SLCO6A1: variants seen among roughly 807,000 people sequenced by gnomAD.
SLCO6A1 encodes the protein solute carrier organic anion transporter family member 6A1, also known as cancer/testis antigen 48.
SLCO6A1 carries 65 observed loss-of-function variants against 72.7 expected under a neutral mutation model. That is an observed-to-expected ratio of 0.89 (90% confidence interval 0.73 to 1.10). The LOEUF is 1.10. Ranked by LOEUF, SLCO6A1 falls within the 50% of genes least tolerant of loss-of-function variation. SLCO6A1 has a pLI of 0.00. For synonymous variants in SLCO6A1, 314 were observed against 298.2 expected, an observed-to-expected ratio of 1.05 and a Z score of -0.55; for missense variants, 874 against 872.6, an observed-to-expected ratio of 1.00 and a Z score of -0.02.
At chr5:102,420,167 T>G in intron 7 of SLCO6A1, 146 bp from the exon 8 acceptor site, 1 of 736,722 alleles carries the variant, frequency 1.4e-6, no homozygotes, top group Non-Finnish European at 2.1e-6. Context: ...TTATGCTAAA[T>G]AGCTTGACGA....
intron 7 of SLCO6A1, among the ~76,000 whole-genome samples, chr5:102,428,678 G>A (rs189010037): frequency 2.6e-3 from 392 of 151,850 alleles, no homozygotes; most frequent in Non-Finnish European, 4.0e-3. Flanking sequence ...GTAGGCTCCA[G>A]TGTCTGTTGT....
At chr5:102,437,436 G>A (rs539900245) in intron 7 of SLCO6A1, among the ~76,000 whole-genome samples, 1 of 152,224 alleles carries the variant, frequency 6.6e-6, no homozygotes, top group South Asian at 2.1e-4. Flanking sequence ...GCTTGAGGGA[G>A]TCAATACTGC....
At chr5:102,440,222 G>C (rs1749758256) in intron 6 of SLCO6A1, among the ~76,000 whole-genome samples, 1 of 152,106 alleles carries the variant, frequency 6.6e-6, no homozygotes, top group African/African-American at 2.4e-5. Context: ...CTAGCTCAGG[G>C]ATCCCCAGCC....
chr5:102,454,539 T>C (rs560362191), intron 6 of SLCO6A1, among the ~76,000 whole-genome samples: 1 of 152,308 alleles, frequency 6.6e-6, no homozygotes, highest in East Asian at 1.9e-4. Context: ...TCTAGTTATC[T>C]ACTCAGATAG....
chr5:102,427,496 C>A (rs1748957326), intron 7 of SLCO6A1, among the ~76,000 whole-genome samples: 1 of 151,938 alleles, frequency 6.6e-6, no homozygotes, highest in African/African-American at 2.4e-5. Context: ...AAATATTAGG[C>A]AATTTTCTAT....
At position 102,429,518 on chromosome 5, in the gene SLCO6A1, A is replaced by T. The variant is rs191373806; in HGVS notation, c.1276+9099T>A. Among the ~76,000 whole-genome samples, 3 of 152,336 alleles carry T rather than the reference A, an allele frequency of 2.0e-5. No homozygotes were observed. The East Asian group carries it at 5.8e-4, about 29-fold the overall frequency. The stretch of plus-strand genomic sequence containing the variant: ...AGAGAGTCCAGTTTCAACCTTCTGC[A>T]TACGGCTTGCCAGTCATACCAGCAC... On this transcript the variant is annotated intron_variant, in intron 7 of 13. Transcript: ENST00000506729.
At chr5:102,393,356 T>G (rs1746874995) in intron 10 of SLCO6A1, among the ~76,000 whole-genome samples, 1 of 152,128 alleles carries the variant, frequency 6.6e-6, no homozygotes, top group Admixed American at 6.6e-5. Flanking sequence ...ACTTCTCAAC[T>G]TTTGCCCCCA....
At chr5:102,460,109 C>T (rs544444500) in intron 4 of SLCO6A1, among the ~76,000 whole-genome samples, 4 of 152,210 alleles carry the variant, frequency 2.6e-5, no homozygotes, top group South Asian at 2.1e-4. Flanking sequence ...TGGAACACTA[C>T]CTTTTTAAAT....
At chr5:102,478,712 A>G (rs992927550) in intron 2 of SLCO6A1, among the ~76,000 whole-genome samples, 1 of 152,138 alleles carries the variant, frequency 6.6e-6, no homozygotes, top group African/African-American at 2.4e-5. Context: ...AGGCAATACT[A>G]TTAGATTATA....
chr5:102,383,818 C>T (rs964069536), intron 12 of SLCO6A1, among the ~76,000 whole-genome samples: 5 of 151,762 alleles, frequency 3.3e-5, no homozygotes, highest in East Asian at 1.9e-4. Context: ...GTGAAGTCAT[C>T]GACTCCTATG....
intron 11 of SLCO6A1, among the ~76,000 whole-genome samples, chr5:102,390,188 C>CA (rs1746676427): frequency 6.6e-6 from 1 of 152,158 alleles, no homozygotes; most frequent in Admixed American, 6.5e-5. Flanking sequence ...AAAAATACAT[C>CA]AGCCTTACTG....
intron 11 of SLCO6A1, among the ~76,000 whole-genome samples, chr5:102,390,386 C>G (rs186173157): frequency 2.6e-5 from 4 of 152,278 alleles, no homozygotes; most frequent in Admixed American, 2.0e-4. Flanking sequence ...TGATCTCTAT[C>G]AGAGCCGCAC....
At chr5:102,376,974 G>A (rs1293501586) in intron 12 of SLCO6A1, among the ~76,000 whole-genome samples, 1 of 152,022 alleles carries the variant, frequency 6.6e-6, no homozygotes, top group African/African-American at 2.4e-5. Flanking sequence ...GATCAGCCTG[G>A]GCAACACAGT....
intron 6 of SLCO6A1, among the ~76,000 whole-genome samples, chr5:102,447,040 C>T (rs1382526811): frequency 6.6e-6 from 1 of 152,202 alleles, no homozygotes; most frequent in Non-Finnish European, 1.5e-5. Flanking sequence ...GTGTGAACCA[C>T]CACGCCCGGC....
rs150606853 is a variant in SLCO6A1, at chr5:102,485,768, C to G, written c.359-5334G>C. Among the ~76,000 whole-genome samples, 838 of 152,178 alleles carry G rather than the reference C, an allele frequency of 5.5e-3. 4 individuals carry two copies. The highest frequency in any genetic ancestry group is 0.019 in the African/African-American group (805 of 41,488). On this transcript the variant is annotated intron_variant, in intron 1 of 13. Transcript: ENST00000506729. Reference sequence around the variant, plus strand: ...TCCTTTCACTGTAATAAACCATAACCAAGAGCTTATTTTAAGTCCTGTGAA... The same window carrying G: ...TCCTTTCACTGTAATAAACCATAACGAAGAGCTTATTTTAAGTCCTGTGAA...
rs979878050 is a variant in SLCO6A1, at chr5:102,438,894, TAGATGATA to T, written c.1132-141_1132-134del. On this transcript the variant is annotated intron_variant, in intron 6 of 13. Transcript: ENST00000506729. ...CTAAACTGAAAAGATAATTGATAGA[TAGATGATA>T]GATAGATAGATAGATAGATCAGACA... The T allele has an allele frequency of 2.8e-4, 138 of 490,680 alleles. 1 individual carries two copies. The highest frequency in any genetic ancestry group is 3.0e-4 in the Non-Finnish European group (85 of 287,734). The allele number at this position is 490,680 out of a possible 1,614,324, so 30.4% of individuals were successfully genotyped here.
intron 1 of SLCO6A1, among the ~76,000 whole-genome samples, chr5:102,487,879 A>C (rs1434074781): frequency 7.2e-5 from 11 of 152,250 alleles, no homozygotes; most frequent in Non-Finnish European, 1.6e-4. Context: ...CAAAGTAAGA[A>C]TTGTGTTCAG....
At chr5:102,393,197 G>A (rs183245525) in intron 10 of SLCO6A1, among the ~76,000 whole-genome samples, 51 of 152,060 alleles carry the variant, frequency 3.4e-4, no homozygotes, top group South Asian at 2.3e-3. Flanking sequence ...ATATAAGAAC[G>A]AAAGTGATAT....
At chr5:102,456,515 G>C (rs1288949506) in intron 6 of SLCO6A1, among the ~76,000 whole-genome samples, 1 of 152,084 alleles carries the variant, frequency 6.6e-6, no homozygotes, top group Non-Finnish European at 1.5e-5. Flanking sequence ...GCTTCAGAGA[G>C]AATAAAATAC....
Sources: gnomAD v4.1 joint callset for allele counts (sites outside exome capture counted in the v4.1 genomes callset) on GRCh38, gnomAD v4.1.1 for gene constraint, MANE v1.5 for transcripts, NCBI Gene and HGNC (gene_info 2026-07-23, HGNC 2026-07-21) for gene names.